The following IKZF1 variants were observed in gnomAD, a reference collection of about 807,000 sequenced individuals.
IKZF1 encodes the protein DNA-binding protein Ikaros.
A neutral mutation model predicts 51.7 loss-of-function variants in IKZF1; 10 were observed. That is an observed-to-expected ratio of 0.19 (90% CI 0.12 to 0.33). IKZF1 has a LOEUF of 0.33. Ranked by LOEUF, IKZF1 falls within the 10% of genes least tolerant of loss-of-function variation. The pLI, the probability that IKZF1 is intolerant of heterozygous loss-of-function variation, is 1.00. For synonymous variants in IKZF1, 280 were observed against 282.3 expected (o/e 0.99, Z 0.08); for missense variants, 484 against 707.5 (o/e 0.68, Z 3.58).
intron 3 of IKZF1, among the ~76,000 whole-genome samples, chr7:50,332,558 A>G (rs1796647931): frequency 6.6e-6 from 1 of 152,172 alleles, no homozygotes; most frequent in African/African-American, 2.4e-5. Flanking sequence ...CCCCTGAGAA[A>G]GAGGACAAGC....
At chr7:50,318,965 A>G in intron 1 of IKZF1, 83 bp from the exon 2 acceptor site, 1 of 840,968 alleles carries the variant, frequency 1.2e-6, no homozygotes. Flanking sequence ...GTTAAATAGC[A>G]TAGGGGTTCT....
chr7:50,303,457 G>T (rs930944080), upstream of IKZF1, among the ~76,000 whole-genome samples: 3 of 152,204 alleles, frequency 2.0e-5, no homozygotes, highest in Non-Finnish European at 4.4e-5. This position sits in a 1 kb window ranked among gnomAD's most constrained non-coding sequence, Gnocchi z 4.7. Context: ...CCTTCCGCAC[G>T]CACTTGTGTG....
In IKZF1 at chr7:50,400,041, A is replaced by G. The variant is rs1817723195; in HGVS notation, c.974A>G (p.Glu325Gly). 1 of 1,610,546 alleles carries G rather than the reference A, an allele frequency of 6.2e-7. No individual in the cohort carries two copies. Among genetic ancestry groups the G allele is most frequent in the South Asian group, 1.1e-5 (1 of 90,180 alleles). ...INNAINYLGA[E>G]SLRPLVQTPP... ...AACGCCATCAACTACCTGGGGGCCG[A>G]GTCCCTGCGCCCGCTGGTGCAGACG... is the stretch of plus-strand genomic sequence containing the variant. Residue 325 changes from glutamate (E) to glycine (G), a missense_variant, in exon 8 of 8, where the codon GAG becomes GGG. By Grantham distance (98) the Glu-to-Gly change is moderately conservative. This residue lies in a region of IKZF1 where 172 missense variants were observed against 192.7 expected (regional missense o/e 0.89). Coordinates refer to ENST00000331340, the MANE Select transcript of IKZF1 (RefSeq NM_006060.6). This position sits in a 1 kb window ranked among gnomAD's most constrained non-coding sequence, Gnocchi z 5.4.
chr7:50,344,348 G>T (rs1799823215), intron 3 of IKZF1, among the ~76,000 whole-genome samples: 1 of 152,176 alleles, frequency 6.6e-6, no homozygotes, highest in African/African-American at 2.4e-5. Flanking sequence ...CGCTGATGTT[G>T]TCTTCCTTTA....
intron 3 of IKZF1, among the ~76,000 whole-genome samples, chr7:50,360,605 A>G (rs1373083878): frequency 6.6e-6 from 1 of 152,214 alleles, no homozygotes; most frequent in African/African-American, 2.4e-5. Context: ...TGCTTCTGTA[A>G]GAGTGTGCTA....
chr7:50,376,950 A>C lies in IKZF1; in HGVS notation c.421+157A>C. The C allele has an allele frequency of 1.6e-6, 2 of 1,285,892 alleles. No individual in the cohort carries two copies. Among genetic ancestry groups the C allele is most frequent in the East Asian group, 5.1e-5 (2 of 39,500 alleles). 79.7% of individuals were successfully genotyped at this position (1,285,892 alleles called of 1,614,324 possible). ...TTGGTTCCAAGTGGTACCGAGTCAT[A>C]GAGTCCTTGTTCTGGTACAGCCTTG... On this transcript the variant is annotated intron_variant, in intron 4 of 7. Transcript: ENST00000331340. The surrounding 1 kb of genome is among the most constrained non-coding windows in gnomAD (Gnocchi z 4.5).
intron 1 of IKZF1, among the ~76,000 whole-genome samples, chr7:50,317,672 A>G (rs1012359081): frequency 6.6e-6 from 1 of 152,222 alleles, no homozygotes; most frequent in African/African-American, 2.4e-5. Context: ...CCTCCCATCC[A>G]GAAAAAGTGA....
At chr7:50,356,568 T>C (rs6948768) in intron 3 of IKZF1, among the ~76,000 whole-genome samples, 132,191 of 152,304 alleles carry the variant, frequency 0.87, 58,031 homozygotes, top group African/African-American at 0.97. Context: ...TGTGTGTCTG[T>C]GCGTGTGCAT....
intron 1 of IKZF1, among the ~76,000 whole-genome samples, chr7:50,306,052 A>G (rs142762599): frequency 1.4e-3 from 212 of 152,328 alleles, no homozygotes; most frequent in African/African-American, 4.9e-3. Flanking sequence ...TTTATATTAG[A>G]ATGTGTCAGA....
At chr7:50,388,329 C>T (rs764283034) in intron 6 of IKZF1, among the ~76,000 whole-genome samples, 4 of 152,226 alleles carry the variant, frequency 2.6e-5, no homozygotes, top group African/African-American at 9.6e-5. Context: ...TATTAAGCCT[C>T]ATTCACCTTT....
At chr7:50,344,685 A>G (rs978815967) in intron 3 of IKZF1, among the ~76,000 whole-genome samples, 5 of 152,214 alleles carry the variant, frequency 3.3e-5, no homozygotes, top group Non-Finnish European at 7.3e-5. Flanking sequence ...GAATTGCTTC[A>G]CGATCACATA....
intron 1 of IKZF1, among the ~76,000 whole-genome samples, chr7:50,307,970 G>T (rs1789214412): frequency 6.6e-6 from 1 of 152,126 alleles, no homozygotes; most frequent in South Asian, 2.1e-4. Flanking sequence ...TGGCTTTCTT[G>T]TATTTCTTTG....
intron 7 of IKZF1, among the ~76,000 whole-genome samples, chr7:50,396,899 G>A (rs1816851854): frequency 6.6e-6 from 1 of 152,184 alleles, no homozygotes; most frequent in Non-Finnish European, 1.5e-5. Context: ...GATTCTCTGG[G>A]GCTTTGGGCC....
chr7:50,324,552 G>A (rs1584480952), intron 2 of IKZF1, among the ~76,000 whole-genome samples: 3 of 152,042 alleles, frequency 2.0e-5, no homozygotes, highest in East Asian at 3.9e-4. Flanking sequence ...TTAGAATTGC[G>A]ATCCCTACTG....
intron 3 of IKZF1, among the ~76,000 whole-genome samples, chr7:50,355,292 C>G (rs569018708): frequency 1.3e-4 from 20 of 152,222 alleles, no homozygotes; most frequent in Non-Finnish European, 2.8e-4. Flanking sequence ...CCTGGGTGCA[C>G]TCGGATGATC....
At chr7:50,352,019 A>G (rs1801984238) in intron 3 of IKZF1, among the ~76,000 whole-genome samples, 1 of 152,258 alleles carries the variant, frequency 6.6e-6, no homozygotes, top group South Asian at 2.1e-4. Flanking sequence ...TAAGCAGAGA[A>G]GATTGTATTA....
intron 3 of IKZF1, among the ~76,000 whole-genome samples, chr7:50,374,475 A>T (rs1809643850): frequency 6.6e-6 from 1 of 152,206 alleles, no homozygotes; most frequent in Non-Finnish European, 1.5e-5. Context: ...ATGTGACCTT[A>T]GCAAGTTGTT....
intron 3 of IKZF1, among the ~76,000 whole-genome samples, chr7:50,360,843 G>A (rs916838349): frequency 1.3e-5 from 2 of 152,188 alleles, no homozygotes; most frequent in African/African-American, 2.4e-5. Context: ...CGCTGCCCCA[G>A]CATGTCCTGA....
At chr7:50,393,952 C>T in intron 7 of IKZF1, 1 of 232,658 alleles carries the variant, frequency 4.3e-6, no homozygotes, top group Non-Finnish European at 8.5e-6. Flanking sequence ...TTTGCAGCCC[C>T]TTTTAGCTTT....
Sources: allele counts gnomAD v4.1 joint callset (sites outside exome capture counted in the v4.1 genomes callset), GRCh38; gene constraint gnomAD v4.1.1; regional missense constraint gnomAD v4.1.1; non-coding constraint Gnocchi (gnomAD v3.1); transcripts MANE v1.5; gene names NCBI Gene and HGNC (gene_info 2026-07-23, HGNC 2026-07-21).